Variants in SURF4 observed in about 807,000 individuals in gnomAD.
SURF4 encodes the protein surfeit locus protein 4.
A neutral mutation model predicts 30.0 loss-of-function variants in SURF4; 3 were observed. The observed-to-expected ratio is 0.10, with a 90% CI of 0.05 to 0.26. The LOEUF is 0.26. Ranked by LOEUF, SURF4 falls within the 10% of genes least tolerant of loss-of-function variation. The pLI is 1.00. For missense variants in SURF4, 217 were observed against 350.8 expected (o/e 0.62, Z 3.05); for synonymous variants, 143 against 139.9 (o/e 1.02, Z -0.16).
upstream of SURF4, among the ~76,000 whole-genome samples, chr9:133,377,309 A>G (rs2130253399): frequency 6.6e-6 from 1 of 152,274 alleles, no homozygotes; most frequent in Admixed American, 6.5e-5. Flanking sequence ...TTACTGTTTA[A>G]TTTGCTGCCT....
At chr9:133,366,141 CA>C (rs1346387591) in intron 3 of SURF4, 113 bp from the exon 4 acceptor site, 6 of 1,083,306 alleles carry the variant, frequency 5.5e-6, no homozygotes, top group African/African-American at 1.6e-5. Flanking sequence ...CTAAAACACA[CA>C]AAACCATTGT....
At chr9:133,376,275 G>C, upstream of SURF4, 2 of 1,313,928 alleles carry the variant, frequency 1.5e-6, no homozygotes, top group Non-Finnish European at 1.9e-6. Flanking sequence ...CCGCGCGCAG[G>C]CCCTGCGGTC....
Position 133,371,034 on chromosome 9 carries a change from GTAAT to G in SURF4, c.49-3593_49-3590del, listed in dbSNP as rs1025615826. On this transcript the variant is annotated intron_variant, in intron 1 of 5. Coordinates refer to ENST00000371989, the MANE Select transcript of SURF4 (RefSeq NM_033161.4). ...GACGACTGAAGGGGATTTTAGAAAC[GTAAT>G]TAATTATATCCACCCTGAGATGACT... 2.4e-6 allele frequency: 3 copies of G among 1,274,548 alleles called. No homozygotes were observed. In the African/African-American group the frequency reaches 4.6e-5, roughly 19 times the overall value. 79.0% of individuals were successfully genotyped at this position (1,274,548 alleles called of 1,614,324 possible). A position where few individuals can be genotyped will look rare whatever the true frequency, so the allele number is the denominator to read the frequency against.
upstream of SURF4, chr9:133,376,437 G>A: frequency 3.2e-6 from 5 of 1,542,440 alleles, no homozygotes; most frequent in Non-Finnish European, 4.4e-6. Context: ...GGTGGGGCCA[G>A]GGGTGGACGC....
intron 4 of SURF4, 133 bp from the exon 5 acceptor site, chr9:133,365,159 C>T: frequency 1.3e-6 from 1 of 797,912 alleles, no homozygotes; most frequent in Non-Finnish European, 1.9e-6. Context: ...CAGTGATCTG[C>T]CAAGCAGGAC....
intron 4 of SURF4, 37 bp downstream of exon 4, chr9:133,365,945 TAGA>T (rs1564362821): frequency 6.2e-7 from 1 of 1,602,302 alleles, no homozygotes; most frequent in Non-Finnish European, 8.5e-7. Flanking sequence ...GCTCAACCTG[TAGA>T]AGGAGCGTAT....
In SURF4 at chr9:133,364,847, A is replaced by G; in HGVS notation, c.536T>C (p.Phe179Ser). 1 of 1,614,130 alleles carries G rather than the reference A, an allele frequency of 6.2e-7. No homozygotes were observed. Among genetic ancestry groups the G allele is most frequent in the African/African-American group, 1.3e-5 (1 of 75,062 alleles). ...FMTLLHFDAS[F>S]FSIVQNIVGT... Reference sequence around the variant, plus strand: ...GCAAGTAGGAATACTTACAGAAAAGAAGCTGGCGTCAAAGTGAAGGAGGGT... The same window carrying G: ...GCAAGTAGGAATACTTACAGAAAAGGAGCTGGCGTCAAAGTGAAGGAGGGT... The change falls in exon 5 of 6, where the codon TTC (phenylalanine) becomes TCC (serine). Residue 179 changes from phenylalanine to serine, a missense_variant. Phe to Ser is a radical substitution (Grantham distance 155, BLOSUM62 -2). Transcript: ENST00000371989.
intron 1 of SURF4, chr9:133,375,525 G>A (rs2130237964): frequency 3.3e-4 from 208 of 635,626 alleles, no homozygotes; most frequent in Non-Finnish European, 3.9e-4. Flanking sequence ...GCCCCAGTGA[G>A]AGGAAAAACG....
At chr9:133,369,743 A>G (rs1000492737) in intron 1 of SURF4, among the ~76,000 whole-genome samples, 9 of 152,206 alleles carry the variant, frequency 5.9e-5, no homozygotes, top group Non-Finnish European at 1.2e-4. Flanking sequence ...AAAGCACACC[A>G]CCGTGGCACA....
chr9:133,364,433 G>A (rs2130102687), intron 5 of SURF4, among the ~76,000 whole-genome samples: 1 of 152,320 alleles, frequency 6.6e-6, no homozygotes, highest in South Asian at 2.1e-4. Flanking sequence ...GCTCACGCCT[G>A]TAATCCCAGC....
intron 5 of SURF4, among the ~76,000 whole-genome samples, chr9:133,364,353 C>A (rs587613266): frequency 6.6e-6 from 1 of 152,234 alleles, no homozygotes; most frequent in South Asian, 2.1e-4. Context: ...GAAGGCTTGA[C>A]ACACAAGAGA....
intron 3 of SURF4, 49 bp downstream of exon 3, chr9:133,366,550 G>T (rs1054929818): frequency 6.3e-7 from 1 of 1,595,406 alleles, no homozygotes; most frequent in African/African-American, 1.3e-5. Flanking sequence ...CAGAAGCTCT[G>T]CTCCACCAGA....
chr9:133,376,028 G>A lies in SURF4; in HGVS notation c.-59C>T, dbSNP rs1837904159. The A allele has an allele frequency of 8.2e-7, 1 of 1,215,678 alleles. No homozygotes were observed. 75.3% of individuals were successfully genotyped at this position (1,215,678 alleles called of 1,614,324 possible). On this transcript the variant is annotated 5_prime_UTR_variant, in exon 1 of 6. Transcript: ENST00000371989. ...CTCGCTCGCTGGCTCTCGCCCGTCGGCGCCCGCACCCGCTGCGGCCTCCAC... is the reference window on the plus strand; with the variant it reads ...CTCGCTCGCTGGCTCTCGCCCGTCGACGCCCGCACCCGCTGCGGCCTCCAC...
At position 133,364,036 on chromosome 9, in the gene SURF4, TA is replaced by T. The variant is rs1837007575; in HGVS notation, c.544-278del. ...CCAAGATGAATCTCTAATCCATAAC[TA>T]AATTCCCAAGTGCTTCTTGGCCCAC... On this transcript the variant is annotated intron_variant, in intron 5 of 5. Transcript: ENST00000371989. The T allele has an allele frequency of 4.4e-6, 3 of 677,000 alleles. No individual in the cohort carries two copies. In the African/African-American group the frequency reaches 5.4e-5, roughly 12 times the overall value. 41.9% of individuals were successfully genotyped at this position (677,000 alleles called of 1,614,324 possible).
intron 1 of SURF4, among the ~76,000 whole-genome samples, chr9:133,370,591 G>A (rs985644036): frequency 6.6e-6 from 1 of 152,188 alleles, no homozygotes; most frequent in South Asian, 2.1e-4. Context: ...CTGGAACCAT[G>A]TCATGCCACT....
chr9:133,367,679 T>C (rs587747780), intron 1 of SURF4: 2 of 1,208,508 alleles, frequency 1.7e-6, no homozygotes, highest in South Asian at 1.6e-5. Context: ...CGGAGATGCA[T>C]GACTTGACGT....
At chr9:133,364,690 CAAAAAAA>C (rs587654637) in intron 5 of SURF4, 143 bp downstream of exon 5, 6 of 481,634 alleles carry the variant, frequency 1.2e-5, no homozygotes, top group African/African-American at 4.8e-5. Flanking sequence ...GACTCCGTCT[CAAAAAAA>C]AAAAAAAAAA....
chr9:133,364,553 G>A (rs1001392284), intron 5 of SURF4, among the ~76,000 whole-genome samples: 2 of 152,124 alleles, frequency 1.3e-5, no homozygotes, highest in Non-Finnish European at 2.9e-5. Context: ...TTAGCCAGGC[G>A]TGTTGGCAGG....
At chr9:133,367,531 T>G (rs1005461250) in intron 1 of SURF4, 86 bp from the exon 2 acceptor site, 2 of 1,591,024 alleles carry the variant, frequency 1.3e-6, no homozygotes, top group Non-Finnish European at 1.7e-6. Context: ...GCGGGGTGTG[T>G]GAGGAACAGA....
Sources: gnomAD v4.1 joint callset for allele counts (sites outside exome capture counted in the v4.1 genomes callset) on GRCh38, gnomAD v4.1.1 for gene constraint, MANE v1.5 for transcripts, NCBI Gene and HGNC (gene_info 2026-07-23, HGNC 2026-07-21) for gene names.